The following SLC10A7 variants were observed in gnomAD, a reference collection of about 807,000 sequenced individuals.
The protein encoded by SLC10A7 is solute carrier family 10 member 7.
A neutral mutation model predicts 43.2 loss-of-function variants in SLC10A7; 29 were observed. That is an observed-to-expected ratio of 0.67 (90% CI 0.50 to 0.92). The LOEUF (loss-of-function observed/expected upper bound fraction) is 0.92, where lower values mean the gene tolerates loss of function less well. SLC10A7 is among the 40% of genes least tolerant of loss of function. SLC10A7 has a pLI of 0.00. For synonymous variants in SLC10A7, 152 were observed against 144.8 expected, an observed-to-expected ratio of 1.05 and a Z score of -0.35; for missense variants, 295 against 403.2, an observed-to-expected ratio of 0.73 and a Z score of 2.30.
chr4:146,377,100 T>A (rs1737255675), intron 5 of SLC10A7, among the ~76,000 whole-genome samples: 3 of 150,684 alleles, frequency 2.0e-5, no homozygotes, highest in Admixed American at 2.0e-4. Flanking sequence ...CATTTTTTTT[T>A]ATTATTACAG....
At chr4:146,476,684 A>T (rs528802213) in intron 4 of SLC10A7, among the ~76,000 whole-genome samples, 4 of 152,124 alleles carry the variant, frequency 2.6e-5, no homozygotes, top group Non-Finnish European at 5.9e-5. Flanking sequence ...CTATTAAAAA[A>T]CTTCAAGGAA....
chr4:146,486,949 A>G (rs536699132), intron 4 of SLC10A7, among the ~76,000 whole-genome samples: 1 of 152,260 alleles, frequency 6.6e-6, no homozygotes, highest in East Asian at 1.9e-4. Context: ...TCTGCCACCA[A>G]CTCACCATAA....
chr4:146,429,921 A>C (rs1173026914), intron 5 of SLC10A7, among the ~76,000 whole-genome samples: 2 of 152,170 alleles, frequency 1.3e-5, no homozygotes, highest in African/African-American at 4.8e-5. Context: ...ACATACATAA[A>C]AATTTTAAAA....
At chr4:146,405,851 T>G (rs2149823305) in intron 5 of SLC10A7, among the ~76,000 whole-genome samples, 1 of 152,242 alleles carries the variant, frequency 6.6e-6, no homozygotes, top group South Asian at 2.1e-4. Flanking sequence ...CAATACCACT[T>G]ACAAGATGAT....
chr4:146,416,575 A>T (rs150705636), intron 5 of SLC10A7, among the ~76,000 whole-genome samples: 1 of 152,214 alleles, frequency 6.6e-6, no homozygotes, highest in African/African-American at 2.4e-5. Context: ...ATCAAAAAAA[A>T]TTTCACAATA....
At chr4:146,511,810 C>A (rs1247870214) in intron 2 of SLC10A7, among the ~76,000 whole-genome samples, 1 of 152,104 alleles carries the variant, frequency 6.6e-6, no homozygotes, top group Admixed American at 6.5e-5. Context: ...AACTTGAGCA[C>A]CAGCAGTTCC....
At chr4:146,315,476 G>T (rs1732264029) in intron 6 of SLC10A7, among the ~76,000 whole-genome samples, 1 of 152,054 alleles carries the variant, frequency 6.6e-6, no homozygotes, top group South Asian at 2.1e-4. Flanking sequence ...ACAAAAAACT[G>T]AAGTAAGAAA....
chr4:146,279,128 GA>G (rs1014276549), intron 10 of SLC10A7, among the ~76,000 whole-genome samples: 1 of 152,140 alleles, frequency 6.6e-6, no homozygotes, highest in Non-Finnish European at 1.5e-5. Flanking sequence ...TTGGAAATAA[GA>G]AATTTGGAGT....
At chr4:146,280,215 A>G (rs1427120927) in intron 10 of SLC10A7, among the ~76,000 whole-genome samples, 2 of 152,220 alleles carry the variant, frequency 1.3e-5, no homozygotes, top group Non-Finnish European at 2.9e-5. Flanking sequence ...CAGAAGAAAT[A>G]CTATGATAGT....
At chr4:146,335,995 C>A (rs1488466381) in intron 5 of SLC10A7, among the ~76,000 whole-genome samples, 1 of 152,096 alleles carries the variant, frequency 6.6e-6, no homozygotes, top group Non-Finnish European at 1.5e-5. Context: ...CGCCCCAGAA[C>A]TACTATGTCA....
intron 5 of SLC10A7, among the ~76,000 whole-genome samples, chr4:146,407,331 G>A (rs13147524): frequency 0.55 from 83,114 of 151,990 alleles, 23,285 homozygotes; most frequent in East Asian, 0.78. Context: ...TCAAGTTAAC[G>A]GACACATGCA....
chr4:146,324,754 T>A (rs932191055), intron 6 of SLC10A7, among the ~76,000 whole-genome samples: 3 of 152,116 alleles, frequency 2.0e-5, no homozygotes, highest in Admixed American at 2.0e-4. Context: ...ACATAATAAG[T>A]CTTTTCTTCC....
intron 4 of SLC10A7, among the ~76,000 whole-genome samples, chr4:146,462,496 C>T (rs1052412212): frequency 6.6e-6 from 1 of 152,126 alleles, no homozygotes; most frequent in Admixed American, 6.6e-5. Context: ...GAGCTCCCCC[C>T]AAACACTCTT....
intron 4 of SLC10A7, among the ~76,000 whole-genome samples, chr4:146,500,600 C>T (rs1477551645): frequency 6.6e-6 from 1 of 152,294 alleles, no homozygotes; most frequent in Non-Finnish European, 1.5e-5. Flanking sequence ...CATACACACT[C>T]TCTCTTACAT....
At chr4:146,284,385 T>C (rs1265612323) in intron 9 of SLC10A7, among the ~76,000 whole-genome samples, 1 of 152,150 alleles carries the variant, frequency 6.6e-6, no homozygotes, top group Non-Finnish European at 1.5e-5. Context: ...AACTCTTCCC[T>C]AAATAGATCC....
At chr4:146,475,842 C>T (rs1287234397) in intron 4 of SLC10A7, among the ~76,000 whole-genome samples, 1 of 152,154 alleles carries the variant, frequency 6.6e-6, no homozygotes, top group African/African-American at 2.4e-5. Context: ...AATTAAACCG[C>T]ATATTAAATC....
Position 146,521,850 on chromosome 4 carries a change from C to G in SLC10A7, c.-133G>C. ...CATGCAGCAGAGCAAGTCAAATTGC[C>G]GATTGTAAAGTAAAGACCTGGGGGT... On this transcript the variant is annotated 5_prime_UTR_variant, in exon 1 of 12. Transcript: ENST00000335472. 2 of 720,952 alleles carry G rather than the reference C, an allele frequency of 2.8e-6. No individual in the cohort carries two copies. Among genetic ancestry groups the G allele is most frequent in the East Asian group, 5.4e-5 (2 of 36,848 alleles). The allele number at this position is 720,952 out of a possible 1,614,324, so 44.7% of individuals were successfully genotyped here.
At chr4:146,350,237 G>A (rs1402347878) in intron 5 of SLC10A7, among the ~76,000 whole-genome samples, 2 of 151,196 alleles carry the variant, frequency 1.3e-5, no homozygotes, top group African/African-American at 4.9e-5. Flanking sequence ...AAGGGGTCAG[G>A]GAGTTCCCTT....
At chr4:146,354,231 T>C (rs1342655200) in intron 5 of SLC10A7, among the ~76,000 whole-genome samples, 2 of 149,160 alleles carry the variant, frequency 1.3e-5, no homozygotes, top group East Asian at 4.0e-4. Context: ...ACAAGCATTC[T>C]TATACACCAA....
Sources: gnomAD v4.1 joint callset for allele counts (sites outside exome capture counted in the v4.1 genomes callset) on GRCh38, gnomAD v4.1.1 for gene constraint, MANE v1.5 for transcripts, NCBI Gene and HGNC (gene_info 2026-07-23, HGNC 2026-07-21) for gene names.